Variants in MGMT observed in about 807,000 individuals in gnomAD.
MGMT encodes the protein O-6-methylguanine-DNA methyltransferase, also known as methylated-DNA--protein-cysteine methyltransferase.
Under a neutral mutation model 15.9 loss-of-function variants are expected in MGMT, and 14 were observed. The observed-to-expected ratio is 0.88, with a 90% CI of 0.58 to 1.37. The LOEUF is 1.37. MGMT is among the 40% of genes most tolerant of loss of function. The pLI is 0.00. For missense variants in MGMT, 282 were observed against 268.1 expected (o/e 1.05, Z -0.36); for synonymous variants, 130 against 118.2 (o/e 1.10, Z -0.65).
chr10:129,539,576 G>A (rs868083056), intron 2 of MGMT, among the ~76,000 whole-genome samples: 12 of 152,136 alleles, frequency 7.9e-5, no homozygotes, highest in Middle Eastern at 3.4e-3. Flanking sequence ...GTGTGATCTC[G>A]ACTCACTGCA....
Position 129,693,907 on chromosome 10 carries a change from GAA to G in MGMT, c.126-13976_126-13975del, listed in dbSNP as rs10716014. On this transcript the variant is annotated intron_variant, in intron 2 of 4. Transcript: ENST00000651593. ...GACAGAGTGAGATTCCATCTAAAAA[GAA>G]AAAAAAAAAAAGTGAGACTTTGAAA... 4.8e-3 allele frequency: 708 copies of G among 147,860 alleles called. 5 individuals are homozygous for G. The highest frequency in any genetic ancestry group is 0.016 in the African/African-American group (651 of 40,500). The allele number at this position is 147,860 out of a possible 1,614,324, so 9.2% of individuals were successfully genotyped here. A position where few individuals can be genotyped will look rare whatever the true frequency, so the allele number is the denominator to read the frequency against.
chr10:129,742,047 A>G (rs141760292), intron 3 of MGMT, among the ~76,000 whole-genome samples: 11 of 152,340 alleles, frequency 7.2e-5, no homozygotes, highest in Non-Finnish European at 1.3e-4. Flanking sequence ...TTGGGGAAGT[A>G]GAAATTGGCT....
chr10:129,598,930 C>T (rs1846784965), intron 2 of MGMT, among the ~76,000 whole-genome samples: 2 of 152,208 alleles, frequency 1.3e-5, no homozygotes, highest in East Asian at 3.9e-4. Context: ...CCAGTTTACT[C>T]ACCTCTTGTT....
chr10:129,644,951 A>C (rs1376521406), intron 2 of MGMT, among the ~76,000 whole-genome samples: 1 of 152,128 alleles, frequency 6.6e-6, no homozygotes. Flanking sequence ...CAGTCCAGGC[A>C]GAAGGATGGG....
Position 129,604,732 on chromosome 10 carries a change from G to A in MGMT, c.125+68355G>A, listed in dbSNP as rs570642126. Among the ~76,000 whole-genome samples the A allele has an allele frequency of 4.6e-5, 4 of 87,636 alleles. 1 individual carries two copies. The highest frequency in any genetic ancestry group is 4.6e-4 in the East Asian group (1 of 2,162). 57.5% of individuals were successfully genotyped at this position (87,636 alleles called of 152,430 possible). On this transcript the variant is annotated intron_variant, in intron 2 of 4. Transcript: ENST00000651593. ...GGCCCCACCTGCACCCCACCTCGCC[G>A]CCCCACCCCCTCCCCCCGGCTTTCA...
At chr10:129,718,930 G>A (rs944817606) in intron 3 of MGMT, among the ~76,000 whole-genome samples, 1 of 151,860 alleles carries the variant, frequency 6.6e-6, no homozygotes, top group Non-Finnish European at 1.5e-5. Context: ...TGCCCGCTCA[G>A]GTGCATCACC....
At chr10:129,481,836 A>G (rs1263451775) in intron 1 of MGMT, among the ~76,000 whole-genome samples, 6 of 151,954 alleles carry the variant, frequency 3.9e-5, no homozygotes, top group Admixed American at 6.6e-5. Flanking sequence ...CTTTTTTGCT[A>G]ACTGGTCTGG....
At chr10:129,530,070 T>C (rs1036509705) in intron 1 of MGMT, among the ~76,000 whole-genome samples, 4 of 151,740 alleles carry the variant, frequency 2.6e-5, no homozygotes, top group Non-Finnish European at 4.4e-5. Context: ...TGGCTAATGT[T>C]TTTATGTTTT....
At chr10:129,719,752 T>C (rs1848347439) in intron 3 of MGMT, among the ~76,000 whole-genome samples, 1 of 152,214 alleles carries the variant, frequency 6.6e-6, no homozygotes, top group African/African-American at 2.4e-5. Context: ...GGGTCAGGGC[T>C]GCAACATACG....
chr10:129,734,351 G>T (rs1396775982), intron 3 of MGMT, among the ~76,000 whole-genome samples: 1 of 141,184 alleles, frequency 7.1e-6, no homozygotes, highest in Non-Finnish European at 1.6e-5. Context: ...TCATGATTTG[G>T]CTCTCTGTTT....
At chr10:129,661,967 G>A (rs1246919758) in intron 2 of MGMT, among the ~76,000 whole-genome samples, 1 of 152,056 alleles carries the variant, frequency 6.6e-6, no homozygotes, top group Non-Finnish European at 1.5e-5. Flanking sequence ...ATCTTATTCT[G>A]ACCTTTCCTG....
chr10:129,545,587 C>T (rs917557810), intron 2 of MGMT, among the ~76,000 whole-genome samples: 6 of 152,178 alleles, frequency 3.9e-5, no homozygotes, highest in African/African-American at 7.2e-5. Flanking sequence ...CCCAGGGCCA[C>T]GTCTGTGGAT....
At chr10:129,679,195 T>C (rs1847819689) in intron 2 of MGMT, among the ~76,000 whole-genome samples, 1 of 152,196 alleles carries the variant, frequency 6.6e-6, no homozygotes, top group South Asian at 2.1e-4. Flanking sequence ...CTTAGAAAAC[T>C]TGATTTGATT....
At chr10:129,763,180 T>C (rs1020134767) in intron 4 of MGMT, among the ~76,000 whole-genome samples, 4 of 152,194 alleles carry the variant, frequency 2.6e-5, no homozygotes, top group African/African-American at 9.6e-5. Context: ...GCATGAAGAT[T>C]TCAATGCAGC....
chr10:129,756,106 A>T lies in MGMT; in HGVS notation c.275-3096A>T, dbSNP rs182984021. ...AAAAGGGCATCCAGACCCTTGGCGG[A>T]GGATGCACAATGCAGGCAGAGGGTT... On this transcript the variant is annotated intron_variant, in intron 3 of 4. Coordinates refer to ENST00000651593, the MANE Select transcript of MGMT (RefSeq NM_002412.5). Among the ~76,000 whole-genome samples, 474 of 152,364 alleles carry T rather than the reference A, an allele frequency of 3.1e-3. 10 individuals are homozygous for T. Among genetic ancestry groups the T allele is most frequent in the Non-Finnish European group, 6.6e-4 (45 of 68,034 alleles).
chr10:129,560,036 T>C (rs1451949790), intron 2 of MGMT, among the ~76,000 whole-genome samples: 1 of 152,158 alleles, frequency 6.6e-6, no homozygotes, highest in Non-Finnish European at 1.5e-5. Flanking sequence ...GGAGCAAAAG[T>C]GGAATTATGA....
intron 3 of MGMT, among the ~76,000 whole-genome samples, chr10:129,716,269 C>T (rs11816055): frequency 0.097 from 14,752 of 152,150 alleles, 2,335 homozygotes; most frequent in African/African-American, 0.33. Context: ...CCCACTCTGG[C>T]GAGCCCACCC....
intron 3 of MGMT, among the ~76,000 whole-genome samples, chr10:129,756,422 C>T (rs1167291662): frequency 7.9e-5 from 12 of 152,182 alleles, no homozygotes; most frequent in African/African-American, 2.4e-5. Flanking sequence ...GGGCTGCCCT[C>T]TGGGGAGGCC....
At chr10:129,503,364 A>ATT in intron 1 of MGMT, among the ~76,000 whole-genome samples, 1 of 152,364 alleles carries the variant, frequency 6.6e-6, no homozygotes, top group Non-Finnish European at 1.5e-5. Flanking sequence ...TTTTCAAATA[A>ATT]TTGTTCTGAT....
Sources: gnomAD v4.1 joint callset for allele counts (sites outside exome capture counted in the v4.1 genomes callset) on GRCh38, gnomAD v4.1.1 for gene constraint, MANE v1.5 for transcripts, NCBI Gene and HGNC (gene_info 2026-07-23, HGNC 2026-07-21) for gene names.